CAPNS1: variants seen among roughly 807,000 people sequenced by gnomAD.
CAPNS1 encodes CANP small subunit.
CAPNS1 carries 32 observed loss-of-function variants against 39.2 expected under a neutral mutation model. That is an observed-to-expected ratio of 0.82 (90% CI 0.62 to 1.10). The LOEUF is 1.10. Among genes scored for constraint, CAPNS1 ranks in the 50% least tolerant of loss-of-function variants. CAPNS1 has a pLI of 0.00. For missense variants in CAPNS1, 353 were observed against 373.1 expected (o/e 0.95, Z 0.44); for synonymous variants, 153 against 136.2 (o/e 1.12, Z -0.86).
At chr19:36,143,224 A>C in intron 6 of CAPNS1, 96 bp downstream of exon 6, 1 of 1,024,708 alleles carries the variant, frequency 9.8e-7, no homozygotes. Context: ...ATATCCACAG[A>C]TGTGGAAATG....
At chr19:36,147,362 C>G (rs1157841364) in intron 9 of CAPNS1, among the ~76,000 whole-genome samples, 4 of 152,154 alleles carry the variant, frequency 2.6e-5, no homozygotes, top group African/African-American at 9.7e-5. Flanking sequence ...TTAGGTCATG[C>G]AGGATTGTGG....
rs116751999 is a variant in CAPNS1, at chr19:36,146,238, G to A, written c.647G>A (p.Arg216His). ...CATCTCTATAACATGATCATCCGACGCTACTCAGATGAAAGTGGGAACATG... is the reference window on the plus strand; with the variant it reads ...CATCTCTATAACATGATCATCCGACACTACTCAGATGAAAGTGGGAACATG... Reference protein sequence around the residue: ...NEHLYNMIIRRYSDESGNMDF... With the variant: ...NEHLYNMIIRHYSDESGNMDF... The change falls in exon 9 of 11, where the codon CGC (arginine) becomes CAC (histidine). Residue 216 changes from arginine to histidine, a missense_variant. Arg to His is a conservative substitution (Grantham distance 29, BLOSUM62 0). Transcript: ENST00000246533. The A allele has an allele frequency of 1.4e-5, 23 of 1,613,642 alleles. No homozygotes were observed. In the East Asian group the frequency reaches 3.1e-4, roughly 22 times the overall value.
intron 9 of CAPNS1, chr19:36,148,020 A>G (rs150662411): frequency 0.012 from 1,792 of 151,878 alleles, 18 homozygotes; most frequent in Middle Eastern, 0.024. Context: ...TGCAGTGAGC[A>G]GAGGTCATGC....
rs1245305013 is a variant in CAPNS1, at chr19:36,146,278, C to G, written c.687C>G (p.Phe229Leu). 5.0e-6 allele frequency: 8 copies of G among 1,613,792 alleles called. No individual in the cohort carries two copies. Among genetic ancestry groups the G allele is most frequent in the Non-Finnish European group, 6.8e-6 (8 of 1,179,666 alleles). Residue 229 changes from phenylalanine to leucine, a missense_variant, in exon 9 of 11, where the codon TTC becomes TTG. Physicochemically the swap from Phe to Leu is conservative, Grantham distance 22 (BLOSUM62 0). Coordinates refer to ENST00000246533, the MANE Select transcript of CAPNS1 (RefSeq NM_001749.4). ...GTGGGAACATGGATTTTGACAACTT[C>G]ATCAGCTGCTTGGTCAGGCTGGACG... ...DESGNMDFDN[F>L]ISCLVRLDAM...
At chr19:36,142,873 A>T in intron 4 of CAPNS1, 36 bp from the exon 5 acceptor site, 1 of 1,612,360 alleles carries the variant, frequency 6.2e-7, no homozygotes, top group Non-Finnish European at 8.5e-7. Flanking sequence ...GACCCCTTTC[A>T]GTCACCCCTG....
At chr19:36,144,946 G>A (rs1216526924) in intron 6 of CAPNS1, among the ~76,000 whole-genome samples, 2 of 152,114 alleles carry the variant, frequency 1.3e-5, no homozygotes, top group African/African-American at 4.8e-5. Context: ...TATGATCTTG[G>A]GTAGAGTTTT....
At chr19:36,140,420 G>A (rs1974315151) in intron 1 of CAPNS1, 1 of 152,518 alleles carries the variant, frequency 6.6e-6, no homozygotes, top group African/African-American at 2.4e-5. Flanking sequence ...CGCGATCGTA[G>A]ATCTGTGCCC....
chr19:36,141,701 G>C (rs1056740922), intron 2 of CAPNS1: 1 of 678,206 alleles, frequency 1.5e-6, no homozygotes, highest in African/African-American at 1.9e-5. Flanking sequence ...AAATGGCCCA[G>C]AATGGGCTGG....
chr19:36,148,351 A>T lies in CAPNS1; in HGVS notation c.722-1227A>T, dbSNP rs188165554. 6.6e-3 allele frequency: 994 copies of T among 151,600 alleles called. 13 individuals are homozygous for T. Among genetic ancestry groups the T allele is most frequent in the African/African-American group, 0.02 (825 of 41,236 alleles). The allele number at this position is 151,600 out of a possible 1,614,324, so 9.4% of individuals were successfully genotyped here. A position where few individuals can be genotyped will look rare whatever the true frequency, so the allele number is the denominator to read the frequency against. On this transcript the variant is annotated intron_variant, in intron 9 of 10. Transcript: ENST00000246533. Reference sequence around the variant, plus strand: ...GACTCCATCTCTACAAAAAAAAAAAAATATATGTATATAGACATAGCCGGG... The same window carrying T: ...GACTCCATCTCTACAAAAAAAAAAATATATATGTATATAGACATAGCCGGG...
Position 36,141,257 on chromosome 19 carries a change from A to G in CAPNS1, c.209+37A>G, listed in dbSNP as rs1270486056. 4.0e-6 allele frequency: 6 copies of G among 1,495,394 alleles called. 1 individual carries two copies. The African/African-American group carries it at 5.8e-5, about 15-fold the overall frequency. 92.6% of individuals were successfully genotyped at this position (1,495,394 alleles called of 1,614,324 possible). On this transcript the variant is annotated intron_variant, in intron 2 of 10. Coordinates refer to ENST00000246533, the MANE Select transcript of CAPNS1 (RefSeq NM_001749.4). ...ACTATCAGAGGGGCGGGGCCTGGGA[A>G]TGGGAGGAGCCTCAGTGAGGCGTGG... is the stretch of plus-strand genomic sequence containing the variant.
intron 6 of CAPNS1, 111 bp downstream of exon 6, chr19:36,143,239 C>A (rs1599878455): frequency 2.2e-6 from 2 of 911,024 alleles, no homozygotes; most frequent in East Asian, 4.8e-5. Flanking sequence ...GAAATGCATT[C>A]ATCAGAACAC....
rs535283662 is a variant in CAPNS1, at chr19:36,149,523, C to T, written c.722-55C>T. 9.1e-6 allele frequency: 13 copies of T among 1,426,344 alleles called. No individual in the cohort carries two copies. The Admixed American group carries it at 2.6e-4, about 28-fold the overall frequency. The allele number at this position is 1,426,344 out of a possible 1,614,324, so 88.4% of individuals were successfully genotyped here. Reference sequence around the variant, plus strand: ...ATGTATTTGTGTAATGTTATTATGCCAAAAACCAGTCTCCTTCCTTCCCTG... The same window carrying T: ...ATGTATTTGTGTAATGTTATTATGCTAAAAACCAGTCTCCTTCCTTCCCTG... On this transcript the variant is annotated intron_variant, in intron 9 of 10. Coordinates refer to ENST00000246533, the MANE Select transcript of CAPNS1 (RefSeq NM_001749.4).
In CAPNS1 at chr19:36,140,988, TC is replaced by T. The variant is rs754973381; in HGVS notation, c.-15-3del. 9.0e-6 allele frequency: 14 copies of T among 1,556,012 alleles called. No individual in the cohort carries two copies. Among genetic ancestry groups the T allele is most frequent in the East Asian group, 2.6e-5 (1 of 38,274 alleles). On this transcript the variant is annotated splice_polypyrimidine_tract_variant and splice_region_variant and intron_variant, in intron 1 of 10. Coordinates refer to ENST00000246533, the MANE Select transcript of CAPNS1 (RefSeq NM_001749.4). ...CGAAGCACCCACTGGTCCCCTTTTT[TC>T]CCCCCAGCAGTGAGTCGCAGCCATG...
Position 36,150,067 on chromosome 19 carries a change from G to C in CAPNS1, c.*228G>C. On this transcript the variant is annotated 3_prime_UTR_variant, in exon 11 of 11. Coordinates refer to ENST00000246533, the MANE Select transcript of CAPNS1 (RefSeq NM_001749.4). Reference sequence around the variant, plus strand: ...GACACTCTAACAAGCTCTGTCCACGGGTCTCCCCATTCCCACCAGGCCCTG... The same window carrying C: ...GACACTCTAACAAGCTCTGTCCACGCGTCTCCCCATTCCCACCAGGCCCTG... 1 of 410,858 alleles carries C rather than the reference G, an allele frequency of 2.4e-6. No homozygotes were observed. The highest frequency in any genetic ancestry group is 4.3e-6 in the Non-Finnish European group (1 of 234,460). 25.5% of individuals were successfully genotyped at this position (410,858 alleles called of 1,614,324 possible).
chr19:36,142,392 CCCTGTT>C, intron 3 of CAPNS1, 59 bp downstream of exon 3: 1 of 872,708 alleles, frequency 1.1e-6, no homozygotes, highest in South Asian at 1.6e-5. Context: ...GAGGTCCCAT[CCCTGTT>C]CCTGTAGAGA....
At position 36,142,690 on chromosome 19, in the gene CAPNS1, G is replaced by C; in HGVS notation, c.282G>C (p.Glu94Asp). The change falls in exon 4 of 11, where the codon GAG becomes GAC. Residue 94 changes from glutamate (E) to aspartate (D), a missense_variant. Coordinates refer to ENST00000246533, the MANE Select transcript of CAPNS1 (RefSeq NM_001749.4). The part of the protein sequence containing the change: ...RTHYSNIEAN[E>D]SEEVRQFRRL... The stretch of plus-strand genomic sequence containing the variant: ...ATTACTCCAACATTGAGGCCAACGA[G>C]AGTGAGGAGGTCCGGCAGTTCCGGA... 6.2e-7 allele frequency: 1 copy of C among 1,614,180 alleles called. No homozygotes were observed.
chr19:36,141,194 C>A lies in CAPNS1; in HGVS notation c.183C>A (p.Ile61=), dbSNP rs1355310538. The A allele has an allele frequency of 4.8e-6, 7 of 1,468,706 alleles. No individual in the cohort carries two copies. The highest frequency in any genetic ancestry group is 1.5e-5 in the African/African-American group (1 of 67,688). 91.0% of individuals were successfully genotyped at this position (1,468,706 alleles called of 1,614,324 possible). ...GTGGCGGTGGAACGGCCATGCGCATCCTAGGCGGAGTCATCAGCGCCATCA... is the reference window on the plus strand; with the variant it reads ...GTGGCGGTGGAACGGCCATGCGCATACTAGGCGGAGTCATCAGCGCCATCA... ...GGGGGGTAMR[I]LGGVISAISE... Residue 61 remains isoleucine, a synonymous_variant, in exon 2 of 11, where the codon ATC becomes ATA. Coordinates refer to ENST00000246533, the MANE Select transcript of CAPNS1 (RefSeq NM_001749.4).
chr19:36,149,374 A>T (rs1406002348), intron 9 of CAPNS1, among the ~76,000 whole-genome samples: 2 of 152,160 alleles, frequency 1.3e-5, no homozygotes, highest in Non-Finnish European at 2.9e-5. Flanking sequence ...CCTGTGCCTC[A>T]TTTTAAAATG....
At chr19:36,144,296 C>T (rs1027151866) in intron 6 of CAPNS1, 1 of 152,052 alleles carries the variant, frequency 6.6e-6, no homozygotes, top group Non-Finnish European at 1.5e-5. Context: ...AGGAGAATTG[C>T]TTGAACCCGG....
Sources: allele counts gnomAD v4.1 joint callset (sites outside exome capture counted in the v4.1 genomes callset), GRCh38; gene constraint gnomAD v4.1.1; transcripts MANE v1.5; gene names NCBI Gene and HGNC (gene_info 2026-07-23, HGNC 2026-07-21).